Variants in BAZ1A observed in about 807,000 individuals in gnomAD.
BAZ1A encodes bromodomain adjacent to zinc finger domain protein 1A.
In BAZ1A, 50 loss-of-function variants were observed where a neutral mutation model predicts 185.2. The observed-to-expected ratio is 0.27, with a 90% CI of 0.22 to 0.34. The LOEUF (loss-of-function observed/expected upper bound fraction) is 0.34, where lower values mean the gene tolerates loss of function less well. Among genes scored for constraint, BAZ1A ranks in the 10% least tolerant of loss-of-function variants. The probability of loss-of-function intolerance (pLI) is 1.00; values close to 1 mark genes in which losing one functional copy is unlikely to be tolerated. For missense variants in BAZ1A, 1,356 were observed against 1,839.9 expected (o/e 0.74, Z 4.81); for synonymous variants, 571 against 615.6 (o/e 0.93, Z 1.07).
At chr14:34,755,716 G>A (rs1338336551) in intron 25 of BAZ1A, among the ~76,000 whole-genome samples, 1 of 146,222 alleles carries the variant, frequency 6.8e-6, no homozygotes, top group Admixed American at 6.8e-5. Context: ...TGCTATATAA[G>A]AGATCACATT....
chr14:34,759,840 A>G (rs1886448041), intron 24 of BAZ1A, among the ~76,000 whole-genome samples: 1 of 151,844 alleles, frequency 6.6e-6, no homozygotes, highest in Non-Finnish European at 1.5e-5. Context: ...ACACCCAGCT[A>G]ATTTTTGTAT....
At chr14:34,823,169 C>G (rs1191838563) in intron 4 of BAZ1A, among the ~76,000 whole-genome samples, 1 of 152,022 alleles carries the variant, frequency 6.6e-6, no homozygotes, top group Non-Finnish European at 1.5e-5. Flanking sequence ...GCCTGGCCAT[C>G]ATGGTGAAAC....
At chr14:34,792,492 G>A (rs996571660) in intron 12 of BAZ1A, among the ~76,000 whole-genome samples, 2 of 152,144 alleles carry the variant, frequency 1.3e-5, no homozygotes, top group African/African-American at 2.4e-5. Flanking sequence ...ACAGATACTG[G>A]TCAATGAAAT....
In BAZ1A at chr14:34,757,735, T is replaced by C. The variant is rs147556662; in HGVS notation, c.4386+969A>G. 3.9e-3 allele frequency among the ~76,000 whole-genome samples: 537 copies of C among 137,802 alleles called. 8 individuals are homozygous for C. The highest frequency in any genetic ancestry group is 0.013 in the African/African-American group (505 of 39,678). The allele number at this position is 137,802 out of a possible 152,430, so 90.4% of individuals were successfully genotyped here. The stretch of plus-strand genomic sequence containing the variant: ...GAAGGGACTGAGCTGTCTAACTCTA[T>C]TGTTTTCTTTTTTTTTTTTTTGAGA... On this transcript the variant is annotated intron_variant, in intron 25 of 26. Transcript: ENST00000360310.
At chr14:34,821,285 C>T (rs1307321508) in intron 4 of BAZ1A, among the ~76,000 whole-genome samples, 1 of 152,066 alleles carries the variant, frequency 6.6e-6, no homozygotes, top group East Asian at 1.9e-4. Flanking sequence ...AGGATATGTC[C>T]ATCTACCATT....
chr14:34,865,571 A>G (rs1002910466), intron 2 of BAZ1A, among the ~76,000 whole-genome samples: 2 of 152,172 alleles, frequency 1.3e-5, no homozygotes, highest in East Asian at 3.8e-4. Flanking sequence ...ATCTCTATAG[A>G]ACAACTTTTT....
chr14:34,773,621 C>T lies in BAZ1A; in HGVS notation c.3103G>A (p.Val1035Ile), dbSNP rs748271951. The T allele has an allele frequency of 1.9e-6, 3 of 1,612,700 alleles. No homozygotes were observed. Among genetic ancestry groups the T allele is most frequent in the African/African-American group, 1.3e-5 (1 of 74,944 alleles). The change falls in exon 20 of 27, where the codon GTA becomes ATA. Residue 1035 changes from valine (V) to isoleucine (I), a missense_variant. Val to Ile is a conservative substitution (Grantham distance 29, BLOSUM62 3). This residue lies in a region of BAZ1A where 434 missense variants were observed against 561.7 expected (regional missense o/e 0.77). Transcript: ENST00000360310. ...TGTTCATCAATTTCCATCTCTTCTACGTCTTCATTCACAGTTTTAATTATC... is the reference window on the plus strand; with the variant it reads ...TGTTCATCAATTTCCATCTCTTCTATGTCTTCATTCACAGTTTTAATTATC... ...NGIIKTVNED[V>I]EEMEIDEQTK... is the part of the protein sequence containing the mutation.
intron 23 of BAZ1A, among the ~76,000 whole-genome samples, chr14:34,763,102 A>C (rs1886592780): frequency 6.6e-6 from 1 of 152,126 alleles, no homozygotes; most frequent in Admixed American, 6.6e-5. Flanking sequence ...TTAATCTTTT[A>C]ACTGTCCTTA....
intron 3 of BAZ1A, among the ~76,000 whole-genome samples, chr14:34,832,014 G>A (rs533699084): frequency 1.1e-4 from 16 of 151,744 alleles, no homozygotes; most frequent in Non-Finnish European, 1.9e-4. Context: ...GGGCAACATG[G>A]AGAAACCCTG....
In BAZ1A at chr14:34,825,965, C is replaced by T. The variant is rs535512766; in HGVS notation, c.536+48G>A. ...AAAAAAAGTTATTTCAATGGAATATCATTAGGCAATCTGCCAAATAATTTA... is the reference window on the plus strand; with the variant it reads ...AAAAAAAGTTATTTCAATGGAATATTATTAGGCAATCTGCCAAATAATTTA... On this transcript the variant is annotated intron_variant, in intron 4 of 26. Coordinates refer to ENST00000360310, the MANE Select transcript of BAZ1A (RefSeq NM_013448.3). 3 of 1,469,550 alleles carry T rather than the reference C, an allele frequency of 2.0e-6. No homozygotes were observed. In the South Asian group the frequency reaches 4.0e-5, roughly 20 times the overall value. The allele number at this position is 1,469,550 out of a possible 1,614,324, so 91.0% of individuals were successfully genotyped here. A position where few individuals can be genotyped will look rare whatever the true frequency, so the allele number is the denominator to read the frequency against.
At position 34,752,740 on chromosome 14, in the gene BAZ1A, A is replaced by G. The variant is rs1886066990; in HGVS notation, c.*768T>C. 1 of 152,200 alleles carries G rather than the reference A, an allele frequency of 6.6e-6. No individual in the cohort carries two copies. The highest frequency in any genetic ancestry group is 1.5e-5 in the Non-Finnish European group (1 of 68,032). The allele number at this position is 152,200 out of a possible 1,614,324, so 9.4% of individuals were successfully genotyped here. A position where few individuals can be genotyped will look rare whatever the true frequency, so the allele number is the denominator to read the frequency against. ...ATTAGAGAATTCCAGATTATTTGAAAAAATGTTATTTTATTTGTACAGTTA... is the reference window on the plus strand; with the variant it reads ...ATTAGAGAATTCCAGATTATTTGAAGAAATGTTATTTTATTTGTACAGTTA... On this transcript the variant is annotated 3_prime_UTR_variant, in exon 27 of 27. Transcript: ENST00000360310.
At chr14:34,816,134 C>A (rs1350135862) in intron 4 of BAZ1A, among the ~76,000 whole-genome samples, 1 of 121,494 alleles carries the variant, frequency 8.2e-6, no homozygotes, top group Non-Finnish European at 1.6e-5. Flanking sequence ...GTCACCCAGG[C>A]TGGAGTGCAA....
chr14:34,866,508 A>G (rs2042863750), intron 2 of BAZ1A, among the ~76,000 whole-genome samples: 1 of 151,180 alleles, frequency 6.6e-6, no homozygotes, highest in Non-Finnish European at 1.5e-5. Flanking sequence ...AAAAAGAAAA[A>G]AGTTCTAACT....
chr14:34,786,161 G>A lies in BAZ1A; in HGVS notation c.1571C>T (p.Ala524Val). ...DPTKSALSAV[A>V]SLAAAWPQLH... ...CTGTGGCCATGCAGCTGCCAAAGATGCAACTGCAGACAGTGCAGATTTTGT... is the reference window on the plus strand; with the variant it reads ...CTGTGGCCATGCAGCTGCCAAAGATACAACTGCAGACAGTGCAGATTTTGT... The change falls in exon 13 of 27, where the codon GCA becomes GTA. Residue 524 changes from alanine to valine, a missense_variant. By Grantham distance (64) the Ala-to-Val change is moderately conservative. Around this residue, in one of 7 missense-constraint regions of BAZ1A, gnomAD observed 184 missense variants for 355.1 expected, o/e 0.52. Transcript: ENST00000360310. The A allele has an allele frequency of 6.2e-7, 1 of 1,612,258 alleles. No individual in the cohort carries two copies. Among genetic ancestry groups the A allele is most frequent in the South Asian group, 1.1e-5 (1 of 90,440 alleles).
At chr14:34,833,210 C>T (rs2042277097) in intron 3 of BAZ1A, among the ~76,000 whole-genome samples, 2 of 151,838 alleles carry the variant, frequency 1.3e-5, no homozygotes, top group South Asian at 4.2e-4. Context: ...CAGACACTGT[C>T]TCAAAGAAAA....
chr14:34,826,181 A>T (rs2042162489), intron 3 of BAZ1A, 25 bp from the exon 4 acceptor site: 1 of 1,601,766 alleles, frequency 6.2e-7, no homozygotes, highest in Non-Finnish European at 8.5e-7. Flanking sequence ...TACATTTAAA[A>T]ATGCAAATCA....
intron 12 of BAZ1A, among the ~76,000 whole-genome samples, chr14:34,787,230 G>A (rs1045191602): frequency 2.0e-5 from 3 of 150,566 alleles, no homozygotes; most frequent in Non-Finnish European, 4.4e-5. Context: ...GCGCATGCCT[G>A]TAGTCCCAGC....
chr14:34,853,130 T>C (rs779354448), intron 3 of BAZ1A, among the ~76,000 whole-genome samples: 1 of 152,184 alleles, frequency 6.6e-6, no homozygotes, highest in African/African-American at 2.4e-5. Context: ...TCTACTGATA[T>C]AATATAGACA....
At chr14:34,808,892 G>C (rs1339662181) in intron 5 of BAZ1A, among the ~76,000 whole-genome samples, 1 of 152,078 alleles carries the variant, frequency 6.6e-6, no homozygotes, top group African/African-American at 2.4e-5. Context: ...TCCTATAAGT[G>C]AATAAACAAT....
Sources: gnomAD v4.1 joint callset for allele counts (sites outside exome capture counted in the v4.1 genomes callset) on GRCh38, gnomAD v4.1.1 for gene constraint, gnomAD v4.1.1 regional missense constraint, MANE v1.5 for transcripts, NCBI Gene and HGNC (gene_info 2026-07-23, HGNC 2026-07-21) for gene names.